PAICS: variants seen among roughly 807,000 people sequenced by gnomAD.
PAICS encodes the protein phosphoribosylaminoimidazole carboxylase and phosphoribosylaminoimidazolesuccinocarboxamide synthase, also known as bifunctional phosphoribosylaminoimidazole carboxylase/phosphoribosylaminoimidazole succinocarboxamide synthetase.
In PAICS, 33 loss-of-function variants were observed where a neutral mutation model predicts 53.7. The observed-to-expected ratio is 0.61, with a 90% CI of 0.47 to 0.82. The LOEUF is 0.82. Among genes scored for constraint, PAICS ranks in the 40% least tolerant of loss-of-function variants. The pLI, the probability that PAICS is intolerant of heterozygous loss-of-function variation, is 0.00. For missense variants in PAICS, 394 were observed against 494.1 expected (o/e 0.80, Z 1.92); for synonymous variants, 141 against 167.2 (o/e 0.84, Z 1.21).
In PAICS at chr4:56,437,255, TG is replaced by T. The variant is rs1301833176; in HGVS notation, c.16+929del. Among the ~76,000 whole-genome samples the T allele has an allele frequency of 1.1e-4, 6 of 56,484 alleles. No individual in the cohort carries two copies. The East Asian group carries it at 1.1e-3, about 11-fold the overall frequency. 37.1% of individuals were successfully genotyped at this position (56,484 alleles called of 152,430 possible). On this transcript the variant is annotated intron_variant, in intron 1 of 8. Transcript: ENST00000512576. Reference sequence around the variant, plus strand: ...TTTTAGGTAGTCTTTGATGCCATGATGGTGTGTGTGTGTGTGTGTGTGTGTG... The same window carrying T: ...TTTTAGGTAGTCTTTGATGCCATGATGTGTGTGTGTGTGTGTGTGTGTGTG...
chr4:56,434,138 C>G (rs1454967559), upstream of PAICS, among the ~76,000 whole-genome samples: 1 of 152,030 alleles, frequency 6.6e-6, no homozygotes, highest in Non-Finnish European at 1.5e-5. Context: ...CACAATTATC[C>G]AAGATTGGAG....
upstream of PAICS, chr4:56,435,329 C>T: frequency 6.2e-7 from 1 of 1,612,792 alleles, no homozygotes; most frequent in Non-Finnish European, 8.5e-7. Flanking sequence ...ACGCCCCCGC[C>T]ACCCCCACCC....
upstream of PAICS, among the ~76,000 whole-genome samples, chr4:56,433,418 A>C (rs1255620219): frequency 6.6e-6 from 1 of 151,498 alleles, no homozygotes; most frequent in Admixed American, 6.6e-5. Context: ...AAAAAGAAAA[A>C]AAAAACCTAT....
rs572067966 is a variant in PAICS at position 56,451,794 on chromosome 4, T to C, written c.772-78T>C. ...AGAAAGAAAATATTGGGCCCAGATA[T>C]AATTTTACTACAAACTCTAGCTCAT... On this transcript the variant is annotated intron_variant, in intron 6 of 8. Transcript: ENST00000512576. The C allele has an allele frequency of 1.3e-4, 109 of 849,330 alleles. 2 individuals are homozygous for C. The South Asian group carries it at 2.3e-3, about 18-fold the overall frequency. 52.6% of individuals were successfully genotyped at this position (849,330 alleles called of 1,614,324 possible).
Position 56,464,444 on chromosome 4 carries a change from CTA to C in PAICS, c.*4907_*4908del, listed in dbSNP as rs1719614633. The C allele has an allele frequency of 6.6e-6, 1 of 152,170 alleles. No individual in the cohort carries two copies. Among genetic ancestry groups the C allele is most frequent in the South Asian group, 2.1e-4 (1 of 4,828 alleles). The allele number at this position is 152,170 out of a possible 1,614,324, so 9.4% of individuals were successfully genotyped here. On this transcript the variant is annotated 3_prime_UTR_variant, in exon 9 of 9. Coordinates refer to ENST00000512576, the MANE Select transcript of PAICS (RefSeq NM_001079524.2). ...AATTGTATACTGTGAATGAAAAAGA[CTA>C]ATTCTCCACAGTCTATACTCAATCT... is the stretch of plus-strand genomic sequence containing the variant.
At chr4:56,416,485 C>A in the PAICS span, 44 of 214,816 alleles carry the variant, frequency 2.0e-4, no homozygotes, top group Non-Finnish European at 3.3e-4. Flanking sequence ...TAATTTCAAA[C>A]GGAAAGACTG....
chr4:56,414,499 C>G, the PAICS span, among the ~76,000 whole-genome samples: 1 of 152,220 alleles, frequency 6.6e-6, no homozygotes, highest in African/African-American at 2.4e-5. Context: ...AATTTCCCCT[C>G]TATTTCACTC....
intron 1 of PAICS, among the ~76,000 whole-genome samples, chr4:56,439,313 T>C (rs758722026): frequency 3.3e-5 from 5 of 152,186 alleles, no homozygotes; most frequent in Non-Finnish European, 7.3e-5. Flanking sequence ...CTCAGCTCAC[T>C]GCAACCTCCG....
chr4:56,432,525 C>G (rs1311951861), upstream of PAICS, among the ~76,000 whole-genome samples: 8 of 75,368 alleles, frequency 1.1e-4, no homozygotes, highest in African/African-American at 3.8e-4. Context: ...GACCCTGTCT[C>G]AAAAAAAAAA....
At chr4:56,457,305 T>TG (rs1719262526) in intron 8 of PAICS, among the ~76,000 whole-genome samples, 1 of 152,014 alleles carries the variant, frequency 6.6e-6, no homozygotes, top group Admixed American at 6.6e-5. Flanking sequence ...CCCAGCTACT[T>TG]GGGAAGCCAA....
chr4:56,441,897 T>C, intron 2 of PAICS, 37 bp downstream of exon 2: 1 of 1,381,828 alleles, frequency 7.2e-7, no homozygotes, highest in Non-Finnish European at 9.9e-7. Flanking sequence ...TCTCACCTTC[T>C]CTGGTAAGCA....
At chr4:56,432,656 G>T (rs991767361), upstream of PAICS, among the ~76,000 whole-genome samples, 1 of 151,582 alleles carries the variant, frequency 6.6e-6, no homozygotes, top group African/African-American at 2.4e-5. Flanking sequence ...GTGGTGGGGG[G>T]CGCCTGTAGT....
the PAICS span, among the ~76,000 whole-genome samples, chr4:56,425,631 C>G: frequency 6.6e-6 from 1 of 152,170 alleles, no homozygotes; most frequent in Non-Finnish European, 1.5e-5. Flanking sequence ...TTGGAACTTC[C>G]AGAGACAGAG....
chr4:56,410,695 G>A, the PAICS span: 4 of 986,206 alleles, frequency 4.1e-6, no homozygotes, highest in Non-Finnish European at 4.8e-6. Context: ...AACAGTGCTG[G>A]GCTAAGTACA....
At chr4:56,435,468 C>G (rs1028821471), upstream of PAICS, 2 of 1,613,552 alleles carry the variant, frequency 1.2e-6, no homozygotes, top group Non-Finnish European at 1.7e-6. Context: ...CCCAACTCCT[C>G]CAGCTCCATG....
intron 7 of PAICS, among the ~76,000 whole-genome samples, chr4:56,452,950 C>CA (rs1241831155): frequency 1.8e-4 from 27 of 152,214 alleles, no homozygotes; most frequent in African/African-American, 6.0e-4. Flanking sequence ...TGGGGGAACT[C>CA]AGACTCCTTT....
chr4:56,464,499 C>G lies in PAICS; in HGVS notation c.*4961C>G, dbSNP rs1188864406. ...CTTACCTTTCCATAATTTTCTTCAG[C>G]AAACTTATTACCACCAAACATAGTA... On this transcript the variant is annotated 3_prime_UTR_variant, in exon 9 of 9. Coordinates refer to ENST00000512576, the MANE Select transcript of PAICS (RefSeq NM_001079524.2). 1.3e-5 allele frequency: 2 copies of G among 152,206 alleles called. No individual in the cohort carries two copies. The highest frequency in any genetic ancestry group is 4.8e-5 in the African/African-American group (2 of 41,456). 9.4% of individuals were successfully genotyped at this position (152,206 alleles called of 1,614,324 possible). A position where few individuals can be genotyped will look rare whatever the true frequency, so the allele number is the denominator to read the frequency against.
intron 5 of PAICS, among the ~76,000 whole-genome samples, chr4:56,449,633 A>G (rs952308057): frequency 6.6e-6 from 1 of 152,100 alleles, no homozygotes; most frequent in Admixed American, 6.6e-5. Flanking sequence ...GTTAGACTGG[A>G]TAAAGAAAAT....
In PAICS at chr4:56,461,436, T is replaced by C. The variant is rs902777287; in HGVS notation, c.*1898T>C. 6.6e-6 allele frequency: 1 copy of C among 152,218 alleles called. No individual in the cohort carries two copies. The highest frequency in any genetic ancestry group is 2.4e-5 in the African/African-American group (1 of 41,458). 9.4% of individuals were successfully genotyped at this position (152,218 alleles called of 1,614,324 possible). A position where few individuals can be genotyped will look rare whatever the true frequency, so the allele number is the denominator to read the frequency against. On this transcript the variant is annotated 3_prime_UTR_variant, in exon 9 of 9. Coordinates refer to ENST00000512576, the MANE Select transcript of PAICS (RefSeq NM_001079524.2). Reference sequence around the variant, plus strand: ...ACCCTTACCTAGCATTAAGACTCCATCTACTTCTGTGCAGTATATGAAAAT... The same window carrying C: ...ACCCTTACCTAGCATTAAGACTCCACCTACTTCTGTGCAGTATATGAAAAT...
Sources: allele counts gnomAD v4.1 joint callset (sites outside exome capture counted in the v4.1 genomes callset), GRCh38; gene constraint gnomAD v4.1.1; transcripts MANE v1.5; gene names NCBI Gene and HGNC (gene_info 2026-07-23, HGNC 2026-07-21).